Variants in DIAPH2 observed in about 807,000 individuals in gnomAD.
DIAPH2 encodes protein diaphanous homolog 2.
In DIAPH2, 35 loss-of-function variants were observed where a neutral mutation model predicts 92.7. The observed-to-expected ratio is 0.38, with a 90% confidence interval of 0.29 to 0.50. The LOEUF is 0.50. Ranked by LOEUF, DIAPH2 falls within the 20% of genes least tolerant of loss-of-function variation. The pLI, the probability that DIAPH2 is intolerant of heterozygous loss-of-function variation, is 0.94. For synonymous variants in DIAPH2, 301 were observed against 280.4 expected, an observed-to-expected ratio of 1.07 and a Z score of -0.73; for missense variants, 701 against 819.5, an observed-to-expected ratio of 0.86 and a Z score of 1.77.
intron 22 of DIAPH2, among the ~76,000 whole-genome samples, chrX:97,166,426 G>A (rs775345188): frequency 8.1e-5 from 9 of 111,644 alleles, no homozygotes; most frequent in Non-Finnish European, 1.5e-4. Flanking sequence ...AAAAGACTGG[G>A]AGATGCGAAT....
intron 4 of DIAPH2, among the ~76,000 whole-genome samples, chrX:96,807,713 T>C (rs2064638461): frequency 9.2e-6 from 1 of 108,242 alleles, no homozygotes; most frequent in Non-Finnish European, 1.9e-5. Flanking sequence ...GAAGAGGGTC[T>C]GAGCTAAGAA....
intron 23 of DIAPH2, among the ~76,000 whole-genome samples, chrX:97,316,408 G>A (rs2068839958): frequency 2.8e-5 from 3 of 105,883 alleles, no homozygotes; most frequent in South Asian, 4.4e-4. Flanking sequence ...TTGGGAGGCC[G>A]AGGCAGGCGG....
At chrX:97,472,986 T>C (rs1027516673) in intron 26 of DIAPH2, among the ~76,000 whole-genome samples, 4 of 112,033 alleles carry the variant, frequency 3.6e-5, no homozygotes, top group African/African-American at 9.7e-5. Flanking sequence ...TCTCCACTTA[T>C]ATAAGTCCAC....
At chrX:96,867,496 A>G (rs1056269170) in intron 4 of DIAPH2, among the ~76,000 whole-genome samples, 2 of 111,635 alleles carry the variant, frequency 1.8e-5, no homozygotes, top group Non-Finnish European at 3.8e-5. Context: ...TTGAGATTAC[A>G]AGCGTGAGCC....
intron 3 of DIAPH2, among the ~76,000 whole-genome samples, chrX:96,753,465 G>A (rs940017275): frequency 9.0e-6 from 1 of 111,542 alleles, no homozygotes; most frequent in African/African-American, 3.3e-5. Context: ...GAGAGATGTG[G>A]ACACCAACCC....
chrX:96,884,429 A>G, intron 5 of DIAPH2: 2 of 1,210,928 alleles, frequency 1.7e-6, no homozygotes, highest in Non-Finnish European at 2.2e-6. Context: ...CAAAGACCTA[A>G]GGTCCGAATT....
chrX:97,198,833 A>G (rs1434574916), intron 22 of DIAPH2, among the ~76,000 whole-genome samples: 2 of 111,378 alleles, frequency 1.8e-5, no homozygotes, highest in African/African-American at 3.3e-5. Flanking sequence ...CATTCATTTG[A>G]TATTTTCATC....
intron 16 of DIAPH2, among the ~76,000 whole-genome samples, chrX:96,958,454 A>G (rs1472542881): frequency 8.9e-6 from 1 of 112,027 alleles, no homozygotes; most frequent in African/African-American, 3.2e-5. Flanking sequence ...TTTTATTGAT[A>G]TGTAATATTT....
chrX:96,977,702 T>A (rs2065970952), intron 17 of DIAPH2, among the ~76,000 whole-genome samples: 1 of 110,295 alleles, frequency 9.1e-6, no homozygotes, highest in African/African-American at 3.3e-5. Flanking sequence ...TTTTTTTTTT[T>A]AAACAAAGTG....
At chrX:96,805,613 G>C (rs770395048) in intron 4 of DIAPH2, among the ~76,000 whole-genome samples, 1 of 111,206 alleles carries the variant, frequency 9.0e-6, no homozygotes, top group Admixed American at 9.5e-5. Flanking sequence ...TCAAACTTTT[G>C]TTTGACTGTC....
intron 22 of DIAPH2, among the ~76,000 whole-genome samples, chrX:97,187,280 C>CTTTTTTTT (rs1569323905): frequency 5.9e-4 from 6 of 10,214 alleles, no homozygotes; most frequent in African/African-American, 7.7e-4. Context: ...AATTAAGTAG[C>CTTTTTTTT]CTTTTTTTTT....
intron 22 of DIAPH2, 25 bp downstream of exon 22, chrX:97,141,819 GA>G: frequency 8.5e-7 from 1 of 1,182,933 alleles, no homozygotes; most frequent in Admixed American, 2.4e-5. Context: ...ACTACTTTGA[GA>G]TTATCTCTTG....
intron 23 of DIAPH2, among the ~76,000 whole-genome samples, chrX:97,263,564 T>G (rs908806522): frequency 1.3e-4 from 5 of 38,751 alleles, no homozygotes; most frequent in African/African-American, 2.8e-4. Flanking sequence ...CTGTTATTTA[T>G]TTATTTATTT....
intron 15 of DIAPH2, among the ~76,000 whole-genome samples, chrX:96,952,789 T>G (rs1203774382): frequency 9.1e-6 from 1 of 109,989 alleles, no homozygotes; most frequent in African/African-American, 3.3e-5. Context: ...ATAAATTCAG[T>G]TAGAAGAACT....
At chrX:96,959,075 G>A (rs1208960164) in intron 16 of DIAPH2, among the ~76,000 whole-genome samples, 2 of 111,441 alleles carry the variant, frequency 1.8e-5, no homozygotes, top group Non-Finnish European at 3.8e-5. Flanking sequence ...GTATCTCTTT[G>A]ATATACTGAT....
At chrX:97,359,570 C>CT (rs1162203236) in intron 24 of DIAPH2, among the ~76,000 whole-genome samples, 2,803 of 66,692 alleles carry the variant, frequency 0.042, 177 homozygotes, top group African/African-American at 0.097. Flanking sequence ...CATGGATAAT[C>CT]TTTTTTTTTT....
chrX:97,046,877 C>T (rs900229678), intron 17 of DIAPH2, among the ~76,000 whole-genome samples: 2 of 109,753 alleles, frequency 1.8e-5, no homozygotes, highest in African/African-American at 6.6e-5. Flanking sequence ...CTAAACTGGA[C>T]CTATAGAAAA....
intron 17 of DIAPH2, among the ~76,000 whole-genome samples, chrX:97,063,608 A>G (rs2066615192): frequency 3.6e-5 from 4 of 112,410 alleles, no homozygotes; most frequent in African/African-American, 1.3e-4. Flanking sequence ...TAGGAATGAC[A>G]CATTCAAAAA....
At chrX:96,900,490 G>A (rs1344517594) in intron 5 of DIAPH2, among the ~76,000 whole-genome samples, 1 of 111,183 alleles carries the variant, frequency 9.0e-6, no homozygotes. Context: ...TGCTCTGGCT[G>A]GGGCTTCCAG....
Sources: allele counts gnomAD v4.1 joint callset (sites outside exome capture counted in the v4.1 genomes callset), GRCh38; gene constraint gnomAD v4.1.1; transcripts MANE v1.5; gene names NCBI Gene and HGNC (gene_info 2026-07-23, HGNC 2026-07-21).